Variants in CNGA1 observed in about 807,000 individuals in gnomAD.
The protein encoded by CNGA1 is cyclic nucleotide gated channel subunit alpha 1.
CNGA1 carries 53 observed loss-of-function variants against 69.7 expected under a neutral mutation model. The observed-to-expected ratio is 0.76, with a 90% CI of 0.61 to 0.96. The LOEUF (loss-of-function observed/expected upper bound fraction) is 0.96. Among genes scored for constraint, CNGA1 ranks in the 40% least tolerant of loss-of-function variants. The pLI, the probability that CNGA1 is intolerant of heterozygous loss-of-function variation, is 0.00. For synonymous variants in CNGA1, 249 were observed against 283.5 expected, an observed-to-expected ratio of 0.88 and a Z score of 1.22; for missense variants, 739 against 811.2, an observed-to-expected ratio of 0.91 and a Z score of 1.08.
intron 2 of CNGA1, among the ~76,000 whole-genome samples, chr4:47,987,416 G>A (rs925383452): frequency 6.6e-6 from 1 of 152,114 alleles, no homozygotes; most frequent in Admixed American, 6.6e-5. Context: ...GTAATTAATT[G>A]TTTATATCTA....
chr4:47,941,841 A>G (rs1739095949), intron 9 of CNGA1, among the ~76,000 whole-genome samples, 200 bp downstream of exon 9: 1 of 152,154 alleles, frequency 6.6e-6, no homozygotes, highest in African/African-American at 2.4e-5. Context: ...AGTACTGCAG[A>G]CCCAATTATA....
In CNGA1 at chr4:47,951,342, A is replaced by T. The variant is rs748050477; in HGVS notation, c.224+11T>A. 7 of 1,533,622 alleles carry T rather than the reference A, an allele frequency of 4.6e-6. No homozygotes were observed. Among genetic ancestry groups the T allele is most frequent in the Non-Finnish European group, 6.3e-6 (7 of 1,107,032 alleles). ...AAAAACAAGCACCAAGGGATGGATC[A>T]TACTGCTCACCTCTGTGATGGTCCT... is the stretch of plus-strand genomic sequence containing the variant. On this transcript the variant is annotated intron_variant, in intron 5 of 10. Transcript: ENST00000514170.
chr4:47,978,844 A>T (rs1277671868), intron 3 of CNGA1, among the ~76,000 whole-genome samples: 6 of 151,816 alleles, frequency 4.0e-5, no homozygotes, highest in Admixed American at 3.9e-4. Context: ...TTTATAAAAA[A>T]TTTTCTGTTT....
At chr4:48,002,875 C>T (rs1414996619) in intron 2 of CNGA1, among the ~76,000 whole-genome samples, 1 of 152,104 alleles carries the variant, frequency 6.6e-6, no homozygotes, top group Non-Finnish European at 1.5e-5. Context: ...TCCCCACAGC[C>T]TGATGGCCTC....
In CNGA1 at chr4:47,936,737, G is replaced by A; in HGVS notation, c.1745C>T (p.Thr582Ile). Residue 582 changes from threonine to isoleucine, a missense_variant, in exon 11 of 11, where the codon ACT (threonine) becomes ATT (isoleucine). Thr to Ile is a moderately conservative substitution (Grantham distance 89). Coordinates refer to ENST00000514170, the MANE Select transcript of CNGA1 (RefSeq NM_001379270.1). ...LSKDDLMEAL[T>I]EYPDAKTMLE... ...CATAGTTTTGGCATCTGGGTACTCA[G>A]TTAGAGCTTCCATGAGGTCATCTTT... 1 of 1,614,066 alleles carries A rather than the reference G, an allele frequency of 6.2e-7. No individual in the cohort carries two copies. Among genetic ancestry groups the A allele is most frequent in the Non-Finnish European group, 8.5e-7 (1 of 1,179,950 alleles).
chr4:47,937,095 T>C lies in CNGA1; in HGVS notation c.1387A>G (p.Ile463Val). 1 of 1,614,246 alleles carries C rather than the reference T, an allele frequency of 6.2e-7. No individual in the cohort carries two copies. Among genetic ancestry groups the C allele is most frequent in the Non-Finnish European group, 8.5e-7 (1 of 1,180,044 alleles). Reference sequence around the variant, plus strand: ...TTTAATGTGTCTAAGTGAACGTTGATGGCAATTTCTGCTCTTAGTTTATCA... The same window carrying C: ...TTTAATGTGTCTAAGTGAACGTTGACGGCAATTTCTGCTCTTAGTTTATCA... ...LPDKLRAEIAINVHLDTLKKV... is the reference protein window; with the variant it reads ...LPDKLRAEIAVNVHLDTLKKV... Residue 463 changes from isoleucine (I) to valine (V), a missense_variant, in exon 11 of 11, where the codon ATC becomes GTC. Transcript: ENST00000514170.
intron 3 of CNGA1, among the ~76,000 whole-genome samples, chr4:47,969,767 G>A (rs935909501): frequency 3.9e-5 from 6 of 151,992 alleles, no homozygotes; most frequent in African/African-American, 2.4e-5. Context: ...ACCACGCCCC[G>A]CCAAAACTAA....
intron 10 of CNGA1, among the ~76,000 whole-genome samples, chr4:47,938,983 A>T (rs896653514): frequency 6.7e-6 from 1 of 149,138 alleles, no homozygotes; most frequent in Admixed American, 6.6e-5. Flanking sequence ...AAAGAAAAGA[A>T]AGAAAGAAAG....
chr4:47,979,320 C>CAAA (rs10572642), intron 3 of CNGA1, among the ~76,000 whole-genome samples: 5 of 117,188 alleles, frequency 4.3e-5, no homozygotes, highest in African/African-American at 6.5e-5. Context: ...CACTCCATCT[C>CAAA]AAAAAAAAAA....
intron 3 of CNGA1, among the ~76,000 whole-genome samples, chr4:47,959,621 AT>A (rs1740302838): frequency 6.6e-6 from 1 of 151,976 alleles, no homozygotes; most frequent in Non-Finnish European, 1.5e-5. Flanking sequence ...AAGAAAAAAA[AT>A]TTTTTTAGAC....
chr4:47,936,458 C>G lies in CNGA1; in HGVS notation c.2024G>C (p.Gly675Ala), dbSNP rs1432021443. The change falls in exon 11 of 11, where the codon GGA (glycine) becomes GCA (alanine). Residue 675 changes from glycine to alanine, a missense_variant. Transcript: ENST00000514170. ...GATGGGCCCACTTTCCGCTCCAGGTCCCTCAATACTTGAAAATTCTGTGTC... is the reference window on the plus strand; with the variant it reads ...GATGGGCCCACTTTCCGCTCCAGGTGCCTCAATACTTGAAAATTCTGTGTC... ...LIDTEFSSIE[G>A]PGAESGPIDS... The G allele has an allele frequency of 6.2e-7, 1 of 1,614,144 alleles. No individual in the cohort carries two copies.
At chr4:47,945,250 G>A (rs1171027877) in intron 6 of CNGA1, among the ~76,000 whole-genome samples, 1 of 152,040 alleles carries the variant, frequency 6.6e-6, no homozygotes, top group Non-Finnish European at 1.5e-5. Flanking sequence ...AGAATCCTTT[G>A]AACAGTTCCA....
chr4:47,993,134 T>C (rs1742345242), intron 2 of CNGA1, among the ~76,000 whole-genome samples: 1 of 152,120 alleles, frequency 6.6e-6, no homozygotes, highest in South Asian at 2.1e-4. Context: ...ATCAGGGATA[T>C]TGGTCTGTAG....
At chr4:47,967,025 A>G (rs1560295956) in intron 3 of CNGA1, among the ~76,000 whole-genome samples, 1 of 152,196 alleles carries the variant, frequency 6.6e-6, no homozygotes, top group Admixed American at 6.5e-5. Flanking sequence ...AACATTGGCC[A>G]GGTGTAGTGG....
At chr4:47,944,205 G>C (rs1327903740) in intron 6 of CNGA1, among the ~76,000 whole-genome samples, 2 of 152,120 alleles carry the variant, frequency 1.3e-5, no homozygotes, top group Admixed American at 6.5e-5. Context: ...CTAAGACTTG[G>C]AGTTGAGAAG....
chr4:47,940,885 C>G lies in CNGA1; in HGVS notation c.546-16G>C. The G allele has an allele frequency of 6.6e-7, 1 of 1,521,920 alleles. No individual in the cohort carries two copies. The highest frequency in any genetic ancestry group is 9.1e-7 in the Non-Finnish European group (1 of 1,101,634). 94.3% of individuals were successfully genotyped at this position (1,521,920 alleles called of 1,614,324 possible). On this transcript the variant is annotated splice_polypyrimidine_tract_variant and intron_variant, in intron 9 of 10. Coordinates refer to ENST00000514170, the MANE Select transcript of CNGA1 (RefSeq NM_001379270.1). ...AAAACATGCTCTATAAAAAAAGAAACACTTGTATAAATAAAAAAGAAATGG... is the reference window on the plus strand; with the variant it reads ...AAAACATGCTCTATAAAAAAAGAAAGACTTGTATAAATAAAAAAGAAATGG...
At chr4:47,951,247 A>G in intron 5 of CNGA1, 106 bp downstream of exon 5, 1 of 731,820 alleles carries the variant, frequency 1.4e-6, no homozygotes, top group Non-Finnish European at 2.5e-6. Context: ...TTTCTATCCT[A>G]CTGCTCAAGG....
At chr4:47,992,187 T>C (rs1274963662) in intron 2 of CNGA1, among the ~76,000 whole-genome samples, 1 of 152,144 alleles carries the variant, frequency 6.6e-6, no homozygotes, top group Non-Finnish European at 1.5e-5. Context: ...AGAATTTTTT[T>C]ATAGTTCTAT....
chr4:48,004,221 T>A (rs1007011302), intron 2 of CNGA1, among the ~76,000 whole-genome samples: 2 of 152,242 alleles, frequency 1.3e-5, no homozygotes, highest in East Asian at 3.9e-4. Flanking sequence ...ACGTGACCCA[T>A]GTGGCCTTAC....
Sources: gnomAD v4.1 joint callset for allele counts (sites outside exome capture counted in the v4.1 genomes callset) on GRCh38, gnomAD v4.1.1 for gene constraint, MANE v1.5 for transcripts, NCBI Gene and HGNC (gene_info 2026-07-23, HGNC 2026-07-21) for gene names.